Variants in PLB1 observed in about 807,000 individuals in gnomAD.
PLB1 encodes phospholipase B1.
PLB1 carries 242 observed loss-of-function variants against 227.4 expected under a neutral mutation model. That is an observed-to-expected ratio of 1.06 (90% CI 0.96 to 1.18). The LOEUF is 1.18. Ranked by LOEUF, PLB1 falls within the 50% of genes most tolerant of loss-of-function variation. The pLI is 0.00. For synonymous variants in PLB1, 757 were observed against 682.2 expected (o/e 1.11, Z -1.71); for missense variants, 1,858 against 1,816.3 (o/e 1.02, Z -0.42).
intron 21 of PLB1, among the ~76,000 whole-genome samples, chr2:28,577,420 C>T (rs1328640759): frequency 3.3e-5 from 5 of 152,236 alleles, no homozygotes; most frequent in Non-Finnish European, 5.9e-5. Context: ...GGCCATGGCA[C>T]CTGCCAAAAT....
chr2:28,601,469 C>CCA (rs3071740), intron 37 of PLB1, 137 bp downstream of exon 37: 146,151 of 595,018 alleles, frequency 0.25, 6,020 homozygotes, highest in East Asian at 0.29. Context: ...TATACACATA[C>CCA]CACACACACA....
At chr2:28,636,001 ATG>A (rs1468227847) in intron 56 of PLB1, among the ~76,000 whole-genome samples, 36 of 148,106 alleles carry the variant, frequency 2.4e-4, no homozygotes, top group African/African-American at 8.2e-4. Context: ...GTGTGTATGT[ATG>A]TGTATGTATG....
intron 56 of PLB1, among the ~76,000 whole-genome samples, chr2:28,638,446 G>C (rs1689615668): frequency 6.6e-6 from 1 of 152,144 alleles, no homozygotes; most frequent in Non-Finnish European, 1.5e-5. Context: ...CTAAGCAGTA[G>C]AGTGATATGC....
At chr2:28,550,674 G>A (rs1674101023) in intron 16 of PLB1, among the ~76,000 whole-genome samples, 2 of 151,606 alleles carry the variant, frequency 1.3e-5, no homozygotes, top group African/African-American at 4.9e-5. Context: ...CTGAGTAGCT[G>A]GGATTATAGG....
In PLB1 at chr2:28,591,187, C is replaced by T; in HGVS notation, c.2127+16C>T. The T allele has an allele frequency of 6.2e-7, 1 of 1,614,066 alleles. No individual in the cohort carries two copies. Among genetic ancestry groups the T allele is most frequent in the African/African-American group, 1.3e-5 (1 of 75,040 alleles). ...CAGCATGCAGGTACCTGCCTCTTGCCTCCTCTTGACTCACCAGGCAATGCA... is the reference window on the plus strand; with the variant it reads ...CAGCATGCAGGTACCTGCCTCTTGCTTCCTCTTGACTCACCAGGCAATGCA... On this transcript the variant is annotated intron_variant, in intron 30 of 57. Coordinates refer to ENST00000327757, the MANE Select transcript of PLB1 (RefSeq NM_153021.5).
chr2:28,578,001 C>A, intron 21 of PLB1, 106 bp from the exon 22 acceptor site: 1 of 1,113,646 alleles, frequency 9.0e-7, no homozygotes, highest in Non-Finnish European at 1.4e-6. Flanking sequence ...CTGCAGGAGG[C>A]CCACCCTGGG....
chr2:28,627,710 T>G (rs368228522), intron 51 of PLB1, among the ~76,000 whole-genome samples: 1 of 152,154 alleles, frequency 6.6e-6, no homozygotes, highest in South Asian at 2.1e-4. Context: ...TGGAATTGAG[T>G]GCACGGTATC....
intron 9 of PLB1, 72 bp downstream of exon 9, chr2:28,532,266 A>AT: frequency 8.0e-7 from 1 of 1,247,070 alleles, no homozygotes; most frequent in Middle Eastern, 1.9e-4. Flanking sequence ...AACCTGCCTG[A>AT]TTACCCAATC....
intron 17 of PLB1, among the ~76,000 whole-genome samples, chr2:28,554,042 G>A (rs145972708): frequency 1.9e-4 from 29 of 152,068 alleles, no homozygotes; most frequent in African/African-American, 5.5e-4. Flanking sequence ...CCAAAACCTC[G>A]GTATATAACT....
At chr2:28,594,607 G>A (rs1682591466) in intron 33 of PLB1, 1 of 154,848 alleles carries the variant, frequency 6.5e-6, no homozygotes, top group African/African-American at 2.4e-5. Context: ...AAGGTTCTCT[G>A]GCCAGACCTG....
chr2:28,540,669 G>A (rs927882152), intron 12 of PLB1, among the ~76,000 whole-genome samples: 1 of 152,176 alleles, frequency 6.6e-6, no homozygotes, highest in Admixed American at 6.5e-5. Context: ...AGGGGTGCGA[G>A]TTGGGGGACA....
intron 9 of PLB1, among the ~76,000 whole-genome samples, chr2:28,537,952 G>A (rs1172995634): frequency 6.6e-6 from 1 of 152,058 alleles, no homozygotes; most frequent in Non-Finnish European, 1.5e-5. Flanking sequence ...GATTTTCTTT[G>A]GGAAAAAGCG....
rs1690148133 is a variant in PLB1 at position 28,643,062 on chromosome 2, G to GC, written c.*4dup. On this transcript the variant is annotated 3_prime_UTR_variant, in exon 58 of 58. Transcript: ENST00000327757. ...GAGCCTGCGCACTGTGGCCCTCTAG[G>GC]CCCGGGGGTGGGTCCTCACCCTAAA... The GC allele has an allele frequency of 6.3e-7, 1 of 1,593,316 alleles. No individual in the cohort carries two copies. Among genetic ancestry groups the GC allele is most frequent in the Non-Finnish European group, 8.5e-7 (1 of 1,169,822 alleles).
intron 56 of PLB1, 159 bp downstream of exon 56, chr2:28,633,198 GAAAA>G (rs1427266062): frequency 1.5e-5 from 9 of 594,542 alleles, no homozygotes; most frequent in South Asian, 2.1e-5. Context: ...ATTCCAAAGG[GAAAA>G]TACCCTATAT....
At chr2:28,573,926 A>C (rs1220713253) in intron 21 of PLB1, among the ~76,000 whole-genome samples, 1 of 152,242 alleles carries the variant, frequency 6.6e-6, no homozygotes, top group African/African-American at 2.4e-5. Context: ...TCCTGGCAGT[A>C]ATGCAGCAAG....
In PLB1 at chr2:28,541,773, C is replaced by A. The variant is rs1419472545; in HGVS notation, c.841C>A (p.Gln281Lys). Reference sequence around the variant, plus strand: ...GCAGGAGTCCTTCACCGTGGTTTTCCAGCCTTTCTTCTATGAGACCACCCC... The same window carrying A: ...GCAGGAGTCCTTCACCGTGGTTTTCAAGCCTTTCTTCTATGAGACCACCCC... ...SEQESFTVVF[Q>K]PFFYETTPSL... Residue 281 changes from glutamine (Q) to lysine (K), a missense_variant, in exon 13 of 58, where the codon CAG becomes AAG. Transcript: ENST00000327757. 2.5e-6 allele frequency: 4 copies of A among 1,613,786 alleles called. No homozygotes were observed. The African/African-American group carries it at 5.3e-5, about 22-fold the overall frequency.
chr2:28,585,992 AG>A (rs1680843503), intron 26 of PLB1, 150 bp downstream of exon 26: 1 of 667,900 alleles, frequency 1.5e-6, no homozygotes, highest in Admixed American at 2.5e-5. Flanking sequence ...CCTGAGACAC[AG>A]CAGGGGCTGC....
intron 21 of PLB1, among the ~76,000 whole-genome samples, chr2:28,576,247 G>T (rs536186301): frequency 1.6e-4 from 24 of 152,288 alleles, no homozygotes; most frequent in Non-Finnish European, 2.9e-4. Context: ...CTGAACAAAT[G>T]CATCGACTTG....
chr2:28,508,551 C>A (rs1054935452), intron 1 of PLB1, among the ~76,000 whole-genome samples: 1 of 152,218 alleles, frequency 6.6e-6, no homozygotes, highest in Non-Finnish European at 1.5e-5. Flanking sequence ...CATGCAGCAT[C>A]CTACAGTCCC....
Sources: gnomAD v4.1 joint callset for allele counts (sites outside exome capture counted in the v4.1 genomes callset) on GRCh38, gnomAD v4.1.1 for gene constraint, MANE v1.5 for transcripts, NCBI Gene and HGNC (gene_info 2026-07-23, HGNC 2026-07-21) for gene names.